Variants in TPRG1 observed in about 807,000 individuals in gnomAD.
The protein encoded by TPRG1 is tumor protein p63-regulated gene 1 protein.
Under a neutral mutation model 29.3 loss-of-function variants are expected in TPRG1, and 29 were observed. The ratio of observed to expected loss-of-function variants is 0.99; its 90% CI spans 0.74 to 1.35. The LOEUF is 1.35. TPRG1 is among the 40% of genes most tolerant of loss of function. The pLI, the probability that TPRG1 is intolerant of heterozygous loss-of-function variation, is 0.00. For synonymous variants in TPRG1, 130 were observed against 116.8 expected, an observed-to-expected ratio of 1.11 and a Z score of -0.73; for missense variants, 327 against 335.0, an observed-to-expected ratio of 0.98 and a Z score of 0.19.
intron 4 of TPRG1, among the ~76,000 whole-genome samples, chr3:189,077,030 C>T (rs1283182106): frequency 6.6e-6 from 1 of 151,686 alleles, no homozygotes; most frequent in African/African-American, 2.4e-5. Flanking sequence ...AGACAGACAA[C>T]ATTAAATGCC....
intron 4 of TPRG1, among the ~76,000 whole-genome samples, chr3:189,242,182 T>C (rs1276317272): frequency 2.0e-5 from 3 of 152,174 alleles, no homozygotes; most frequent in African/African-American, 7.2e-5. Context: ...CTCGATATCA[T>C]ATATTTGATA....
chr3:189,188,622 C>T (rs1196109728), intron 1 of TPRG1, among the ~76,000 whole-genome samples: 1 of 152,194 alleles, frequency 6.6e-6, no homozygotes, highest in Admixed American at 6.5e-5. Context: ...GGGCTTTGTT[C>T]TCAGATCTGT....
rs1388930626 is a variant in TPRG1, at chr3:189,312,120, T to C, written c.633+1581T>C. ...TTGTTTCTTTGTTTCTTTCTTTGTTTCTTTCTTTCTTTCTTTCTTTCTTTC... is the reference window on the plus strand; with the variant it reads ...TTGTTTCTTTGTTTCTTTCTTTGTTCCTTTCTTTCTTTCTTTCTTTCTTTC... On this transcript the variant is annotated intron_variant, in intron 5 of 5. Transcript: ENST00000345063. Among the ~76,000 whole-genome samples the C allele has an allele frequency of 5.2e-3, 170 of 32,790 alleles. 1 individual carries two copies. The highest frequency in any genetic ancestry group is 0.021 in the African/African-American group (157 of 7,424). The allele number at this position is 32,790 out of a possible 152,430, so 21.5% of individuals were successfully genotyped here. A position where few individuals can be genotyped will look rare whatever the true frequency, so the allele number is the denominator to read the frequency against.
chr3:189,215,419 TAC>T (rs1372032722), intron 3 of TPRG1, 36 bp downstream of exon 3: 1 of 1,556,554 alleles, frequency 6.4e-7, no homozygotes, highest in Admixed American at 1.7e-5. Flanking sequence ...GCCGTGGAAA[TAC>T]AGCGTTTTCC....
At chr3:189,207,701 G>A in intron 2 of TPRG1, 107 bp downstream of exon 2, 1 of 1,043,462 alleles carries the variant, frequency 9.6e-7, no homozygotes, top group Non-Finnish European at 1.4e-6. Flanking sequence ...TTTGTCTCAT[G>A]TAATCGTCAT....
intron 3 of TPRG1, among the ~76,000 whole-genome samples, chr3:189,226,989 A>T (rs1055347158): frequency 2.0e-5 from 3 of 151,916 alleles, no homozygotes; most frequent in African/African-American, 7.3e-5. Flanking sequence ...CAAAACACAC[A>T]AACTATTGCT....
At chr3:189,138,071 C>T (rs1044795113) in intron 3 of TPRG1, among the ~76,000 whole-genome samples, 7 of 152,196 alleles carry the variant, frequency 4.6e-5, no homozygotes, top group African/African-American at 1.7e-4. Context: ...AACCATAGTT[C>T]CATTATCACA....
At chr3:189,076,581 G>A (rs969808046) in intron 4 of TPRG1, among the ~76,000 whole-genome samples, 3 of 151,534 alleles carry the variant, frequency 2.0e-5, no homozygotes, top group Non-Finnish European at 4.4e-5. Flanking sequence ...TGGGCTCATC[G>A]CCATGAGCAG....
intron 1 of TPRG1, among the ~76,000 whole-genome samples, chr3:189,103,370 A>G (rs1253231631): frequency 1.3e-5 from 2 of 152,202 alleles, no homozygotes; most frequent in Non-Finnish European, 2.9e-5. Context: ...CATCACTATT[A>G]CAAAATTCTT....
chr3:189,274,108 G>A (rs1158083418), intron 4 of TPRG1, among the ~76,000 whole-genome samples: 1 of 138,008 alleles, frequency 7.2e-6, no homozygotes, highest in Non-Finnish European at 1.5e-5. Flanking sequence ...TCGGAACCCA[G>A]ATTTTTTTTT....
At chr3:189,000,131 T>C (rs1443293864) in intron 1 of TPRG1, among the ~76,000 whole-genome samples, 3 of 152,142 alleles carry the variant, frequency 2.0e-5, no homozygotes, top group African/African-American at 7.2e-5. Context: ...AGACTGAATG[T>C]TTTATGCAAT....
chr3:189,096,727 A>G (rs1718704171), upstream of TPRG1, among the ~76,000 whole-genome samples: 1 of 152,246 alleles, frequency 6.6e-6, no homozygotes, highest in Admixed American at 6.5e-5. Flanking sequence ...GTTGTTTTAC[A>G]TTCTTGCAAA....
chr3:189,098,221 T>C (rs1718813891), upstream of TPRG1, among the ~76,000 whole-genome samples: 1 of 150,990 alleles, frequency 6.6e-6, no homozygotes, highest in Admixed American at 6.6e-5. Flanking sequence ...ATAAAAAATA[T>C]GAGAATTAAA....
intron 4 of TPRG1, among the ~76,000 whole-genome samples, chr3:189,268,584 TG>T (rs1455119740): frequency 1.3e-5 from 2 of 152,228 alleles, no homozygotes; most frequent in Non-Finnish European, 2.9e-5. Context: ...AAATTTATCC[TG>T]TACTCACTAT....
At chr3:189,116,563 AAACAATAT>A (rs1721201087) in intron 1 of TPRG1, among the ~76,000 whole-genome samples, 1 of 152,236 alleles carries the variant, frequency 6.6e-6, no homozygotes, top group African/African-American at 2.4e-5. Context: ...ATTGACAGAT[AAACAATAT>A]GTAGTATGCA....
chr3:189,022,642 A>G (rs952829566), intron 3 of TPRG1, among the ~76,000 whole-genome samples: 2 of 152,146 alleles, frequency 1.3e-5, no homozygotes, highest in Non-Finnish European at 2.9e-5. Context: ...CAAAGCTGTC[A>G]GACAGGGACA....
chr3:189,107,874 G>A (rs1264086486), intron 1 of TPRG1, among the ~76,000 whole-genome samples: 2 of 151,684 alleles, frequency 1.3e-5, no homozygotes, highest in South Asian at 2.1e-4. Context: ...ATTCATTATG[G>A]AAGAGAAATT....
At chr3:189,219,533 A>AAT in intron 3 of TPRG1, 1 of 1,178,942 alleles carries the variant, frequency 8.5e-7, no homozygotes, top group Non-Finnish European at 1.1e-6. Flanking sequence ...AAAAAAAAAA[A>AAT]GATTATTTTA....
intron 4 of TPRG1, chr3:189,240,336 C>T (rs1740335269): frequency 6.6e-6 from 1 of 151,996 alleles, no homozygotes; most frequent in South Asian, 2.1e-4. Context: ...CTTCAGCCTT[C>T]CCTCCATGGG....
Sources: gnomAD v4.1 joint callset for allele counts (sites outside exome capture counted in the v4.1 genomes callset) on GRCh38, gnomAD v4.1.1 for gene constraint, MANE v1.5 for transcripts, NCBI Gene and HGNC (gene_info 2026-07-23, HGNC 2026-07-21) for gene names.